Variants in MAMDC2 observed in about 807,000 individuals in gnomAD.
The protein encoded by MAMDC2 is MAM domain-containing protein 2.
MAMDC2 carries 57 observed loss-of-function variants against 89.8 expected under a neutral mutation model. The ratio of observed to expected loss-of-function variants is 0.63; its 90% CI spans 0.51 to 0.79. MAMDC2 has a LOEUF of 0.79. Among genes scored for constraint, MAMDC2 ranks in the 30% least tolerant of loss-of-function variants. The probability of loss-of-function intolerance (pLI) is 0.00; values close to 1 mark genes in which losing one functional copy is unlikely to be tolerated. For missense variants in MAMDC2, 800 were observed against 820.6 expected (o/e 0.97, Z 0.31); for synonymous variants, 313 against 293.4 (o/e 1.07, Z -0.68).
intron 2 of MAMDC2, among the ~76,000 whole-genome samples, chr9:70,083,969 GAGTT>G (rs1199138428): frequency 2.6e-5 from 4 of 152,038 alleles, no homozygotes; most frequent in Admixed American, 1.3e-4. Context: ...TTGAGAGAGG[GAGTT>G]AGTTAGCCTC....
At chr9:70,105,536 C>A (rs991462151) in intron 2 of MAMDC2, among the ~76,000 whole-genome samples, 1 of 152,028 alleles carries the variant, frequency 6.6e-6, no homozygotes, top group Admixed American at 6.5e-5. Context: ...CTAAGAGGCA[C>A]GTTCACATGG....
intron 2 of MAMDC2, chr9:70,081,994 A>G (rs188887409): frequency 6.6e-6 from 1 of 152,280 alleles, no homozygotes; most frequent in East Asian, 1.9e-4. Context: ...CTTATTTCCA[A>G]TAAAAATAAA....
chr9:70,052,439 C>T (rs538677422), intron 2 of MAMDC2, among the ~76,000 whole-genome samples: 2 of 152,290 alleles, frequency 1.3e-5, no homozygotes, highest in African/African-American at 4.8e-5. Context: ...TCTCCTGTCC[C>T]ATGCTCATCT....
intron 9 of MAMDC2, among the ~76,000 whole-genome samples, chr9:70,150,375 T>A (rs1010043225): frequency 6.6e-6 from 1 of 152,178 alleles, no homozygotes; most frequent in Non-Finnish European, 1.5e-5. Flanking sequence ...TCCAAACTGA[T>A]GACAGTTTAA....
At chr9:70,095,766 GA>G (rs1443974949) in intron 2 of MAMDC2, among the ~76,000 whole-genome samples, 1 of 152,096 alleles carries the variant, frequency 6.6e-6, no homozygotes, top group Non-Finnish European at 1.5e-5. Context: ...GCCTATAGCA[GA>G]AAAAAACTAA....
intron 2 of MAMDC2, among the ~76,000 whole-genome samples, chr9:70,059,266 T>C (rs1432830123): frequency 1.3e-5 from 2 of 152,142 alleles, no homozygotes; most frequent in South Asian, 2.1e-4. Flanking sequence ...TAGTGGGCAA[T>C]GTCTCTTGAC....
intron 1 of MAMDC2, 108 bp from the exon 2 acceptor site, chr9:70,044,476 C>T: frequency 1.0e-6 from 1 of 968,736 alleles, no homozygotes; most frequent in Non-Finnish European, 1.6e-6. Flanking sequence ...CCCGCCCCCT[C>T]CCGCTCGTCT....
chr9:70,044,494 A>T, intron 1 of MAMDC2, 90 bp from the exon 2 acceptor site: 2 of 1,063,600 alleles, frequency 1.9e-6, no homozygotes, highest in Non-Finnish European at 2.8e-6. Flanking sequence ...TCTTTCCCCC[A>T]CTTTCACCAG....
At chr9:70,062,849 A>G (rs1827179897) in intron 2 of MAMDC2, 1 of 152,228 alleles carries the variant, frequency 6.6e-6, no homozygotes, top group South Asian at 2.1e-4. Context: ...AGTTTTCAGC[A>G]AAAACGGATT....
At chr9:70,101,772 T>C (rs947810506) in intron 2 of MAMDC2, among the ~76,000 whole-genome samples, 1 of 152,230 alleles carries the variant, frequency 6.6e-6, no homozygotes, top group Non-Finnish European at 1.5e-5. Context: ...TCTCAGAACC[T>C]ATCTTCATCG....
chr9:70,095,105 A>G (rs1827994631), intron 2 of MAMDC2, among the ~76,000 whole-genome samples: 1 of 152,230 alleles, frequency 6.6e-6, no homozygotes, highest in South Asian at 2.1e-4. Context: ...GCCTGAAGCA[A>G]TAAAGAGCCT....
intron 11 of MAMDC2, among the ~76,000 whole-genome samples, chr9:70,202,916 T>C (rs1286102577): frequency 1.1e-4 from 17 of 148,236 alleles, no homozygotes; most frequent in South Asian, 2.2e-4. Flanking sequence ...TGGTAGATCT[T>C]CCTCCATCCT....
chr9:70,142,853 T>A (rs759170372), intron 8 of MAMDC2, among the ~76,000 whole-genome samples: 1 of 152,194 alleles, frequency 6.6e-6, no homozygotes, highest in Non-Finnish European at 1.5e-5. Context: ...GTGTTATTAT[T>A]TTTTTCTTTT....
At chr9:70,159,654 T>C (rs1021680276) in intron 9 of MAMDC2, among the ~76,000 whole-genome samples, 1 of 152,244 alleles carries the variant, frequency 6.6e-6, no homozygotes, top group Non-Finnish European at 1.5e-5. Flanking sequence ...TGTTTGTGGA[T>C]TGCATTCTAT....
At chr9:70,094,549 A>G (rs1023576961) in intron 2 of MAMDC2, among the ~76,000 whole-genome samples, 9 of 152,242 alleles carry the variant, frequency 5.9e-5, no homozygotes, top group Non-Finnish European at 1.2e-4. Context: ...CTCATTAAAT[A>G]TTATATTTCC....
intron 12 of MAMDC2, among the ~76,000 whole-genome samples, chr9:70,219,409 T>C (rs1218325140): frequency 6.6e-6 from 1 of 152,248 alleles, no homozygotes; most frequent in Non-Finnish European, 1.5e-5. Context: ...CACACCTTCC[T>C]ACTCATTCTT....
intron 6 of MAMDC2, among the ~76,000 whole-genome samples, chr9:70,129,521 AT>A (rs2030704613): frequency 1.3e-5 from 2 of 152,200 alleles, no homozygotes; most frequent in South Asian, 4.1e-4. Flanking sequence ...TGAAAATGGG[AT>A]TTGAACTCTG....
At chr9:70,183,627 T>C (rs1299684794) in intron 11 of MAMDC2, among the ~76,000 whole-genome samples, 4 of 152,240 alleles carry the variant, frequency 2.6e-5, no homozygotes, top group Non-Finnish European at 5.9e-5. Context: ...TTGATCTTTG[T>C]TGGTTTAAAG....
chr9:70,124,900 G>A (rs1359055702), intron 5 of MAMDC2, among the ~76,000 whole-genome samples: 1 of 152,124 alleles, frequency 6.6e-6, no homozygotes, highest in Non-Finnish European at 1.5e-5. Flanking sequence ...TGTAGAGACA[G>A]GGGTCTCACT....
Sources: gnomAD v4.1 joint callset for allele counts (sites outside exome capture counted in the v4.1 genomes callset) on GRCh38, gnomAD v4.1.1 for gene constraint, MANE v1.5 for transcripts, NCBI Gene and HGNC (gene_info 2026-07-23, HGNC 2026-07-21) for gene names.